Variants in TENM1 observed in about 807,000 individuals in gnomAD.
TENM1 encodes teneurin transmembrane protein 1, also known as teneurin-1.
In TENM1, 35 loss-of-function variants were observed where a neutral mutation model predicts 174.8. That is an observed-to-expected ratio of 0.20 (90% CI 0.15 to 0.27). The LOEUF (loss-of-function observed/expected upper bound fraction) is 0.27, where lower values mean the gene tolerates loss of function less well. Among genes scored for constraint, TENM1 ranks in the 10% least tolerant of loss-of-function variants. TENM1 has a pLI of 1.00. For synonymous variants in TENM1, 781 were observed against 798.7 expected (o/e 0.98, Z 0.37); for missense variants, 1,633 against 2,130.1 (o/e 0.77, Z 4.59).
the TENM1 span, among the ~76,000 whole-genome samples, chrX:125,023,699 C>T: frequency 9.0e-6 from 1 of 111,472 alleles, no homozygotes; most frequent in African/African-American, 3.3e-5. Context: ...GTAACCACTA[C>T]TCTCAGTCAT....
At chrX:124,830,326 G>GA (rs1257723245) in intron 3 of TENM1, among the ~76,000 whole-genome samples, 2 of 111,695 alleles carry the variant, frequency 1.8e-5, no homozygotes, top group Non-Finnish European at 3.8e-5. Context: ...GAAAACATTT[G>GA]ACACAGAACA....
intron 3 of TENM1, among the ~76,000 whole-genome samples, chrX:124,887,229 C>G (rs756889203): frequency 1.8e-5 from 2 of 109,967 alleles, no homozygotes; most frequent in Admixed American, 2.0e-4. Flanking sequence ...AAGGGACTGG[C>G]TAAAAAAAAT....
the TENM1 span, among the ~76,000 whole-genome samples, chrX:125,172,954 G>T: frequency 9.0e-6 from 1 of 111,402 alleles, no homozygotes; most frequent in East Asian, 2.8e-4. Context: ...TCAACTGCAA[G>T]AAACTGAGGG....
chrX:124,472,806 G>A (rs1054200196), intron 22 of TENM1, among the ~76,000 whole-genome samples: 6 of 111,085 alleles, frequency 5.4e-5, no homozygotes, highest in Non-Finnish European at 1.9e-5. Flanking sequence ...AGCAAAGCAT[G>A]CTAGTCTCAC....
At chrX:124,673,744 G>A (rs946931900) in intron 5 of TENM1, among the ~76,000 whole-genome samples, 2 of 110,554 alleles carry the variant, frequency 1.8e-5, no homozygotes, top group Non-Finnish European at 3.8e-5. Context: ...CCTCTCTCTC[G>A]CTTTCTCTGT....
chrX:124,406,210 T>C (rs2060460079), intron 26 of TENM1, 107 bp downstream of exon 29: 2 of 615,213 alleles, frequency 3.3e-6, no homozygotes, highest in East Asian at 6.8e-5. Flanking sequence ...GAAGAGTACA[T>C]CTTCTCAGCT....
the TENM1 span, among the ~76,000 whole-genome samples, chrX:125,145,080 T>C: frequency 1.8e-5 from 2 of 111,075 alleles, no homozygotes; most frequent in African/African-American, 3.3e-5. Context: ...AATGAATGAG[T>C]GAAGTGAAGC....
intron 11 of TENM1, among the ~76,000 whole-genome samples, chrX:124,570,020 C>T (rs149634657): frequency 0.058 from 6,378 of 110,704 alleles, 488 homozygotes; most frequent in East Asian, 0.55. Context: ...TAAACAGTAT[C>T]GGGAATAAAA....
At chrX:124,567,982 T>C (rs1248804746) in intron 11 of TENM1, among the ~76,000 whole-genome samples, 1 of 112,199 alleles carries the variant, frequency 8.9e-6, no homozygotes, top group Non-Finnish European at 1.9e-5. Context: ...TAGAGGAGTA[T>C]AACATTCTGA....
intron 25 of TENM1, among the ~76,000 whole-genome samples, chrX:124,414,205 C>T (rs1295192830): frequency 9.0e-6 from 1 of 111,587 alleles, no homozygotes; most frequent in Non-Finnish European, 1.9e-5. Flanking sequence ...ATCATGTAAA[C>T]GGAGAGTCTC....
At chrX:124,833,978 C>T (rs761727662) in intron 3 of TENM1, among the ~76,000 whole-genome samples, 118 of 110,220 alleles carry the variant, frequency 1.1e-3, no homozygotes, top group African/African-American at 3.8e-3. Flanking sequence ...AAAACAGCTC[C>T]GACCAATCTG....
intron 14 of TENM1, among the ~76,000 whole-genome samples, chrX:124,554,789 A>G (rs977441141): frequency 5.0e-4 from 56 of 111,813 alleles, no homozygotes; most frequent in African/African-American, 1.8e-3. Flanking sequence ...ACTACATCAT[A>G]AAAGAGGCTT....
chrX:124,553,500 CAAA>C (rs1345991005), intron 14 of TENM1, among the ~76,000 whole-genome samples: 3 of 79,595 alleles, frequency 3.8e-5, no homozygotes. Context: ...AACTCCATCT[CAAA>C]AAAAAAAAAA....
At chrX:125,122,713 G>A in the TENM1 span, among the ~76,000 whole-genome samples, 1 of 111,056 alleles carries the variant, frequency 9.0e-6, no homozygotes, top group Non-Finnish European at 1.9e-5. Flanking sequence ...AGAAAACTAT[G>A]GGTTCAGGGA....
intron 13 of TENM1, among the ~76,000 whole-genome samples, chrX:124,563,263 G>A (rs777138299): frequency 2.1e-3 from 228 of 110,326 alleles, no homozygotes; most frequent in Non-Finnish European, 3.3e-3. Context: ...ATACTTCTAG[G>A]AGGATAATTC....
intron 22 of TENM1, among the ~76,000 whole-genome samples, chrX:124,468,467 C>T (rs749321453): frequency 5.3e-5 from 6 of 112,638 alleles, no homozygotes; most frequent in East Asian, 2.8e-4. Flanking sequence ...TCAGCCACCG[C>T]GCCCGCGCCC....
chrX:125,056,416 T>G, the TENM1 span, among the ~76,000 whole-genome samples: 1 of 111,950 alleles, frequency 8.9e-6, no homozygotes, highest in African/African-American at 3.2e-5. Flanking sequence ...AACTTATCTG[T>G]TTCAGAAACA....
chrX:124,468,961 G>A (rs1162452174), intron 22 of TENM1, among the ~76,000 whole-genome samples: 1 of 111,358 alleles, frequency 9.0e-6, no homozygotes, highest in East Asian at 2.8e-4. Flanking sequence ...CCCTGTCAAT[G>A]GATTATTAGG....
intron 4 of TENM1, among the ~76,000 whole-genome samples, chrX:124,722,839 CAAAAAAAA>C (rs761441453): frequency 4.0e-5 from 1 of 24,761 alleles, no homozygotes; most frequent in African/African-American, 1.4e-4. Context: ...GACTCCGTCT[CAAAAAAAA>C]AAAAAAAAAA....
Sources: allele counts gnomAD v4.1 joint callset (sites outside exome capture counted in the v4.1 genomes callset), GRCh38; gene constraint gnomAD v4.1.1; transcripts MANE v1.5; gene names NCBI Gene and HGNC (gene_info 2026-07-23, HGNC 2026-07-21).